Variants in AQP9 observed in about 807,000 individuals in gnomAD.
AQP9 encodes aquaporin-9.
Under a neutral mutation model 23.8 loss-of-function variants are expected in AQP9, and 19 were observed. The ratio of observed to expected loss-of-function variants is 0.80; its 90% CI spans 0.56 to 1.17. The LOEUF (loss-of-function observed/expected upper bound fraction) is 1.17. AQP9 is among the 50% of genes most tolerant of loss of function. AQP9 has a pLI of 0.00. For missense variants in AQP9, 413 were observed against 362.0 expected, an observed-to-expected ratio of 1.14 and a Z score of -1.14; for synonymous variants, 153 against 131.5, an observed-to-expected ratio of 1.16 and a Z score of -1.12.
chr15:58,178,274 A>G (rs1356509066), intron 4 of AQP9, among the ~76,000 whole-genome samples: 3 of 152,224 alleles, frequency 2.0e-5, no homozygotes, highest in Non-Finnish European at 2.9e-5. Flanking sequence ...AATTTTTTTC[A>G]CTTAATGTTA....
intron 5 of AQP9, among the ~76,000 whole-genome samples, chr15:58,181,657 T>A (rs766235095): frequency 8.5e-5 from 13 of 152,192 alleles, no homozygotes; most frequent in Non-Finnish European, 1.5e-4. Flanking sequence ...ACTCCCAGAA[T>A]GAGAATTTTG....
chr15:58,142,662 C>A (rs1168655939), intron 1 of AQP9, among the ~76,000 whole-genome samples: 2 of 152,192 alleles, frequency 1.3e-5, no homozygotes, highest in Non-Finnish European at 2.9e-5. Flanking sequence ...TTCCTCAAGA[C>A]CACTCTTTTG....
At chr15:58,175,188 G>A (rs1395453053) in intron 4 of AQP9, 152 bp downstream of exon 4, 14 of 766,514 alleles carry the variant, frequency 1.8e-5, no homozygotes, top group East Asian at 8.0e-5. Context: ...CTTGATAATC[G>A]TTTTACCTTT....
intron 1 of AQP9, among the ~76,000 whole-genome samples, chr15:58,156,849 G>C (rs894152761): frequency 2.0e-5 from 3 of 152,128 alleles, no homozygotes; most frequent in Non-Finnish European, 4.4e-5. Context: ...TGCCATACAG[G>C]ATCTGGCTAA....
intron 5 of AQP9, 142 bp from the exon 6 acceptor site, chr15:58,183,819 C>G (rs1898946419): frequency 4.7e-6 from 4 of 852,436 alleles, no homozygotes; most frequent in Non-Finnish European, 7.4e-6. Flanking sequence ...CCATGCTGCA[C>G]TGAGCCCCCC....
intron 1 of AQP9, among the ~76,000 whole-genome samples, chr15:58,148,155 G>C (rs189005308): frequency 1.3e-5 from 2 of 152,232 alleles, no homozygotes; most frequent in East Asian, 3.9e-4. Flanking sequence ...CATTTTTGTA[G>C]GGAGTTGCTC....
chr15:58,173,998 AG>A (rs1898684447), intron 3 of AQP9, among the ~76,000 whole-genome samples: 1 of 151,964 alleles, frequency 6.6e-6, no homozygotes, highest in Non-Finnish European at 1.5e-5. Flanking sequence ...TGGGTCATGG[AG>A]GGCTGGGTGT....
At chr15:58,140,317 G>A (rs1897930393) in intron 1 of AQP9, among the ~76,000 whole-genome samples, 1 of 151,224 alleles carries the variant, frequency 6.6e-6, no homozygotes, top group Non-Finnish European at 1.5e-5. Context: ...GCAGTTCACT[G>A]TTCAACTGGC....
intron 5 of AQP9, among the ~76,000 whole-genome samples, chr15:58,180,651 A>G (rs748368179): frequency 7.9e-5 from 12 of 152,210 alleles, no homozygotes; most frequent in Non-Finnish European, 1.6e-4. Context: ...TAAATTTCCT[A>G]GAACAGCAGT....
chr15:58,167,113 T>C (rs1898525671), intron 2 of AQP9, among the ~76,000 whole-genome samples: 1 of 152,188 alleles, frequency 6.6e-6, no homozygotes, highest in Admixed American at 6.6e-5. Flanking sequence ...ACATTTGGAA[T>C]CCAACTCCCA....
intron 5 of AQP9, among the ~76,000 whole-genome samples, chr15:58,183,734 T>C (rs1898943521): frequency 2.0e-5 from 3 of 152,126 alleles, no homozygotes; most frequent in African/African-American, 7.2e-5. Flanking sequence ...AGACATAATA[T>C]CTCACAAATA....
intron 1 of AQP9, 32 bp from the exon 2 acceptor site, chr15:58,166,641 C>A (rs989930227): frequency 1.9e-6 from 3 of 1,590,746 alleles, no homozygotes; most frequent in Non-Finnish European, 2.6e-6. Context: ...TAGCCATCCC[C>A]ACTTACCTGT....
In AQP9 at chr15:58,179,285, C is replaced by T; in HGVS notation, c.653C>T (p.Ala218Val). 6.2e-7 allele frequency: 1 copy of T among 1,614,164 alleles called. No homozygotes were observed. The highest frequency in any genetic ancestry group is 1.7e-4 in the Middle Eastern group (1 of 6,052). The change falls in exon 5 of 6, where the codon GCT (alanine) becomes GTT (valine). Residue 218 changes from alanine to valine, a missense_variant. Physicochemically the swap from Ala to Val is moderately conservative, Grantham distance 64. Transcript: ENST00000219919. ...GLNSGCAMNP[A>V]RDLSPRLFTA... The stretch of plus-strand genomic sequence containing the variant: ...AACAGTGGCTGTGCCATGAACCCAG[C>T]TCGAGACCTGAGTCCCAGACTTTTC...
chr15:58,145,868 C>T (rs1415370237), intron 1 of AQP9, among the ~76,000 whole-genome samples: 3 of 152,114 alleles, frequency 2.0e-5, no homozygotes, highest in Non-Finnish European at 4.4e-5. Flanking sequence ...GTGTCTATTT[C>T]ATGCTCAAGG....
At chr15:58,162,177 G>T (rs1297479710) in intron 1 of AQP9, among the ~76,000 whole-genome samples, 1 of 152,156 alleles carries the variant, frequency 6.6e-6, no homozygotes, top group Non-Finnish European at 1.5e-5. Context: ...GTTCATTTCT[G>T]GGCTCTGTGT....
intron 2 of AQP9, among the ~76,000 whole-genome samples, chr15:58,168,411 T>A (rs1207107752): frequency 6.6e-6 from 1 of 152,150 alleles, no homozygotes; most frequent in Non-Finnish European, 1.5e-5. Flanking sequence ...GGGCAGAGGA[T>A]CCTGCAGTTA....
intron 4 of AQP9, among the ~76,000 whole-genome samples, chr15:58,178,826 A>G (rs3858890): frequency 0.89 from 135,000 of 152,118 alleles, 60,586 homozygotes; most frequent in Non-Finnish European, 0.96. Context: ...ATAGTGTGGT[A>G]TTAAGATAAC....
chr15:58,168,187 C>A (rs1251986335), intron 2 of AQP9, among the ~76,000 whole-genome samples: 1 of 151,890 alleles, frequency 6.6e-6, no homozygotes, highest in African/African-American at 2.4e-5. Flanking sequence ...AGCCACCACA[C>A]CCAGCTAATT....
In AQP9 at chr15:58,138,633, C is replaced by A. The variant is rs192641731; in HGVS notation, c.68C>A (p.Ala23Glu). ...KQRLVLKSSL[A>E]KETLSEFLGT... ...AGACTGGTCTTGAAGAGCAGCTTAG[C>A]GAAAGAAACCCTCTCTGAGTTCTTG... The change falls in exon 1 of 6, where the codon GCG (alanine) becomes GAG (glutamate). Residue 23 changes from alanine (A) to glutamate (E), a missense_variant. Coordinates refer to ENST00000219919, the MANE Select transcript of AQP9 (RefSeq NM_020980.5). 6.2e-7 allele frequency: 1 copy of A among 1,613,668 alleles called. No homozygotes were observed.
Sources: gnomAD v4.1 joint callset for allele counts (sites outside exome capture counted in the v4.1 genomes callset) on GRCh38, gnomAD v4.1.1 for gene constraint, MANE v1.5 for transcripts, NCBI Gene and HGNC (gene_info 2026-07-23, HGNC 2026-07-21) for gene names.